Variants in PTPRR observed in about 807,000 individuals in gnomAD.
PTPRR encodes receptor-type tyrosine-protein phosphatase R.
PTPRR carries 38 observed loss-of-function variants against 77.2 expected under a neutral mutation model. The ratio of observed to expected loss-of-function variants is 0.49; its 90% CI spans 0.38 to 0.65. The LOEUF (loss-of-function observed/expected upper bound fraction) is 0.65, where lower values mean the gene tolerates loss of function less well. PTPRR is among the 30% of genes least tolerant of loss of function. PTPRR has a pLI of 0.00. For synonymous variants in PTPRR, 299 were observed against 283.1 expected (o/e 1.06, Z -0.57); for missense variants, 744 against 799.2 (o/e 0.93, Z 0.83).
intron 6 of PTPRR, among the ~76,000 whole-genome samples, chr12:70,709,124 C>T (rs1400182190): frequency 6.6e-6 from 1 of 152,102 alleles, no homozygotes; most frequent in Non-Finnish European, 1.5e-5. Flanking sequence ...AGCTTACCCA[C>T]TGTGATCAAG....
chr12:70,866,479 C>T (rs1892851842), intron 2 of PTPRR, among the ~76,000 whole-genome samples: 1 of 152,058 alleles, frequency 6.6e-6, no homozygotes, highest in African/African-American at 2.4e-5. Flanking sequence ...AAGACTAAAC[C>T]AGGAAGAAGT....
intron 6 of PTPRR, among the ~76,000 whole-genome samples, chr12:70,715,313 A>G (rs1447700624): frequency 1.3e-5 from 2 of 152,234 alleles, no homozygotes; most frequent in Non-Finnish European, 2.9e-5. Context: ...ACAAGGTAAT[A>G]GAATATCACA....
At chr12:70,866,693 T>G (rs1158553911) in intron 2 of PTPRR, among the ~76,000 whole-genome samples, 1 of 152,202 alleles carries the variant, frequency 6.6e-6, no homozygotes, top group Non-Finnish European at 1.5e-5. Context: ...GAGGCCAGCA[T>G]CATCCTGATA....
intron 2 of PTPRR, among the ~76,000 whole-genome samples, chr12:70,823,531 T>C (rs540508148): frequency 6.6e-6 from 1 of 151,902 alleles, no homozygotes; most frequent in East Asian, 1.9e-4. Context: ...TTACTGTGTG[T>C]TTTTTTTGTT....
chr12:70,646,322 A>C (rs1886197375), intron 13 of PTPRR, among the ~76,000 whole-genome samples: 1 of 152,172 alleles, frequency 6.6e-6, no homozygotes, highest in African/African-American at 2.4e-5. Flanking sequence ...ACTTAAATGT[A>C]AATTTGGCCA....
chr12:70,684,898 T>C, intron 8 of PTPRR, 115 bp from the exon 9 acceptor site: 2 of 650,234 alleles, frequency 3.1e-6, no homozygotes, highest in Non-Finnish European at 5.2e-6. Context: ...CTGGTGCATG[T>C]CAATGTTTGT....
intron 6 of PTPRR, among the ~76,000 whole-genome samples, chr12:70,704,691 CAGAA>C (rs1238330278): frequency 6.6e-6 from 1 of 151,782 alleles, no homozygotes; most frequent in African/African-American, 2.4e-5. Flanking sequence ...ATATTACAGT[CAGAA>C]AGACATTTCA....
intron 5 of PTPRR, among the ~76,000 whole-genome samples, chr12:70,750,590 A>G (rs2136940110): frequency 6.6e-6 from 1 of 152,326 alleles, no homozygotes; most frequent in South Asian, 2.1e-4. Flanking sequence ...GTCCCTAAAC[A>G]TGAACTCTTG....
At chr12:70,663,602 A>G (rs1433905727) in intron 10 of PTPRR, among the ~76,000 whole-genome samples, 1 of 152,208 alleles carries the variant, frequency 6.6e-6, no homozygotes. Flanking sequence ...AAATTGCAAA[A>G]TGAGATTCAA....
chr12:70,861,748 G>C (rs145874665), intron 2 of PTPRR, among the ~76,000 whole-genome samples: 31 of 152,220 alleles, frequency 2.0e-4, no homozygotes, highest in Middle Eastern at 6.8e-3. Context: ...GTCTAAGGGA[G>C]TTATGATATT....
At chr12:70,747,145 T>C (rs80010609) in intron 5 of PTPRR, among the ~76,000 whole-genome samples, 3,241 of 152,286 alleles carry the variant, frequency 0.021, 56 homozygotes, top group Non-Finnish European at 0.03. Flanking sequence ...GCCTTTATCA[T>C]GTGCATAGTG....
intron 1 of PTPRR, among the ~76,000 whole-genome samples, chr12:70,911,454 C>T (rs1476821128): frequency 6.6e-6 from 1 of 152,086 alleles, no homozygotes; most frequent in African/African-American, 2.4e-5. Context: ...CTAAGCAAGG[C>T]AGTGCAGTAG....
chr12:70,866,601 G>A (rs1052954795), intron 2 of PTPRR, among the ~76,000 whole-genome samples: 4 of 152,132 alleles, frequency 2.6e-5, no homozygotes, highest in East Asian at 3.9e-4. Flanking sequence ...TCTACCAAAG[G>A]TACAAGGAGG....
chr12:70,801,922 A>C (rs970660005), intron 2 of PTPRR, among the ~76,000 whole-genome samples: 1 of 152,112 alleles, frequency 6.6e-6, no homozygotes, highest in African/African-American at 2.4e-5. Flanking sequence ...CATCCTCCTT[A>C]CAGAAGGTTT....
intron 1 of PTPRR, among the ~76,000 whole-genome samples, chr12:70,910,807 T>C (rs1030544066): frequency 3.3e-4 from 50 of 152,278 alleles, no homozygotes; most frequent in Admixed American, 7.2e-4. Flanking sequence ...TGAGGACTCA[T>C]GTGAATTGCC....
chr12:70,857,408 G>C (rs545934620), intron 2 of PTPRR, among the ~76,000 whole-genome samples: 2 of 152,228 alleles, frequency 1.3e-5, no homozygotes, highest in Admixed American at 1.3e-4. Flanking sequence ...GAGTGATGGA[G>C]GTGAATCCAT....
At chr12:70,800,690 T>C (rs1209314403) in intron 2 of PTPRR, among the ~76,000 whole-genome samples, 3 of 150,422 alleles carry the variant, frequency 2.0e-5, no homozygotes, top group East Asian at 3.9e-4. Context: ...GGGTCAGGAG[T>C]TCAAGTCCAG....
At chr12:70,671,421 G>A (rs1257316981) in intron 10 of PTPRR, among the ~76,000 whole-genome samples, 25 of 152,110 alleles carry the variant, frequency 1.6e-4, no homozygotes. Context: ...TAACATAAAT[G>A]TTTGACTTTG....
At position 70,892,679 on chromosome 12, in the gene PTPRR, C is replaced by A. The variant is rs2137117194; in HGVS notation, c.357G>T (p.Val119=). 1 of 1,612,758 alleles carries A rather than the reference C, an allele frequency of 6.2e-7. No homozygotes were observed. Among genetic ancestry groups the A allele is most frequent in the African/African-American group, 1.3e-5 (1 of 74,964 alleles). The change falls in exon 2 of 14, where the codon GTG becomes GTT. Residue 119 remains valine (V), a splice_region_variant and synonymous_variant. Transcript: ENST00000283228. Reference sequence around the variant, plus strand: ...AGCATCAGTTTAACATACTACTTACCACCACAATTACATTTGCTGCTGGGA... The same window carrying A: ...AGCATCAGTTTAACATACTACTTACAACCACAATTACATTTGCTGCTGGGA... ...LPIPAANVIV[V]TLQMDVNKLN...
Sources: gnomAD v4.1 joint callset for allele counts (sites outside exome capture counted in the v4.1 genomes callset) on GRCh38, gnomAD v4.1.1 for gene constraint, MANE v1.5 for transcripts, NCBI Gene and HGNC (gene_info 2026-07-23, HGNC 2026-07-21) for gene names.